The following IL1RAPL2 variants were observed in gnomAD, a reference collection of about 807,000 sequenced individuals.
IL1RAPL2 encodes the protein interleukin 1 receptor accessory protein like 2, also known as X-linked interleukin-1 receptor accessory protein-like 2.
A neutral mutation model predicts 44.1 loss-of-function variants in IL1RAPL2; 3 were observed. The ratio of observed to expected loss-of-function variants is 0.07; its 90% confidence interval spans 0.03 to 0.18. The LOEUF is 0.18. Ranked by LOEUF, IL1RAPL2 falls within the 10% of genes least tolerant of loss-of-function variation. IL1RAPL2 has a pLI of 1.00. For missense variants in IL1RAPL2, 391 were observed against 496.4 expected (o/e 0.79, Z 2.02); for synonymous variants, 181 against 178.8 (o/e 1.01, Z -0.10).
intron 6 of IL1RAPL2, among the ~76,000 whole-genome samples, chrX:105,648,515 C>T (rs1016351875): frequency 2.7e-5 from 3 of 111,532 alleles, no homozygotes; most frequent in Non-Finnish European, 1.9e-5. Flanking sequence ...CTTAACTACC[C>T]TCAACAACTT....
chrX:105,063,954 C>T lies in IL1RAPL2; in HGVS notation c.83-131521C>T, dbSNP rs149024055. Among the ~76,000 whole-genome samples the T allele has an allele frequency of 7.5e-4, 84 of 112,137 alleles. 3 individuals carry two copies. In the East Asian group the frequency reaches 0.018, roughly 24 times the overall value. Reference sequence around the variant, plus strand: ...GGTGGGGATGGGGTGATACAAGCATCCCTGTGGCCACCCACAGTGACTGCA... The same window carrying T: ...GGTGGGGATGGGGTGATACAAGCATTCCTGTGGCCACCCACAGTGACTGCA... On this transcript the variant is annotated intron_variant, in intron 2 of 10. Coordinates refer to ENST00000372582, the MANE Select transcript of IL1RAPL2 (RefSeq NM_017416.2).
chrX:104,606,263 TCAA>T (rs1929007854), intron 1 of IL1RAPL2, among the ~76,000 whole-genome samples: 1 of 111,551 alleles, frequency 9.0e-6, no homozygotes, highest in Non-Finnish European at 1.9e-5. Context: ...TCAACAAAAT[TCAA>T]CACCCCTTCA....
intron 6 of IL1RAPL2, among the ~76,000 whole-genome samples, chrX:105,560,480 G>A (rs962506963): frequency 2.4e-4 from 27 of 110,870 alleles, no homozygotes; most frequent in African/African-American, 7.5e-4. Context: ...GTGCAGTGGC[G>A]CAATCTTGGC....
At chrX:105,653,196 TC>T (rs1453931676) in intron 6 of IL1RAPL2, among the ~76,000 whole-genome samples, 1 of 111,692 alleles carries the variant, frequency 9.0e-6, no homozygotes, top group African/African-American at 3.2e-5. Flanking sequence ...AAATATATCC[TC>T]CTTTTTCAGT....
At chrX:104,676,833 T>A (rs1375631812) in intron 2 of IL1RAPL2, among the ~76,000 whole-genome samples, 1 of 111,852 alleles carries the variant, frequency 8.9e-6, no homozygotes, top group South Asian at 3.8e-4. Flanking sequence ...TTCTCTTCTC[T>A]CTTCATTTCA....
chrX:105,432,077 A>C (rs1254915993), intron 5 of IL1RAPL2, among the ~76,000 whole-genome samples: 1 of 106,839 alleles, frequency 9.4e-6, no homozygotes, highest in African/African-American at 3.4e-5. Context: ...TTCAGTACAC[A>C]GGACTAAGCT....
chrX:105,406,082 G>C, intron 5 of IL1RAPL2: 1 of 1,200,813 alleles, frequency 8.3e-7, no homozygotes, highest in East Asian at 3.0e-5. Flanking sequence ...CCAGGTTGTA[G>C]CATGCATCTT....
chrX:105,563,127 T>C (rs1254612789), intron 6 of IL1RAPL2, among the ~76,000 whole-genome samples: 1 of 111,870 alleles, frequency 8.9e-6, no homozygotes, highest in Non-Finnish European at 1.9e-5. Flanking sequence ...TTTTTAACAA[T>C]ACACATTTAT....
intron 1 of IL1RAPL2, among the ~76,000 whole-genome samples, chrX:104,586,142 T>A (rs1327902168): frequency 8.9e-6 from 1 of 111,984 alleles, no homozygotes; most frequent in Non-Finnish European, 1.9e-5. Context: ...CCATTCTGAC[T>A]AGCGTGAGAT....
At chrX:105,424,267 GATGAAA>G (rs2035793349) in intron 5 of IL1RAPL2, among the ~76,000 whole-genome samples, 1 of 111,843 alleles carries the variant, frequency 8.9e-6, no homozygotes, top group Non-Finnish European at 1.9e-5. Flanking sequence ...ACATATGTAA[GATGAAA>G]ATTGGTTCGG....
chrX:104,903,070 T>C (rs1164426226), intron 2 of IL1RAPL2, among the ~76,000 whole-genome samples: 2 of 111,640 alleles, frequency 1.8e-5, no homozygotes, highest in African/African-American at 6.5e-5. Flanking sequence ...TGTAGCTTTT[T>C]TGGCTGCAGA....
intron 5 of IL1RAPL2, among the ~76,000 whole-genome samples, chrX:105,379,320 A>C (rs1204853303): frequency 9.0e-6 from 1 of 111,479 alleles, no homozygotes; most frequent in Non-Finnish European, 1.9e-5. Context: ...TCCATCCTGG[A>C]TATTACTCAG....
intron 5 of IL1RAPL2, among the ~76,000 whole-genome samples, chrX:105,371,291 C>T (rs1199056094): frequency 8.9e-5 from 10 of 112,019 alleles, no homozygotes; most frequent in African/African-American, 3.2e-4. Context: ...ATGTCTTCAT[C>T]ATGAAATCTT....
chrX:105,334,051 A>G (rs1312681045), intron 5 of IL1RAPL2, among the ~76,000 whole-genome samples: 1 of 111,447 alleles, frequency 9.0e-6, no homozygotes, highest in Middle Eastern at 4.6e-3. Context: ...AAATCAGTAT[A>G]TCAAAGAGAT....
At chrX:105,710,927 GATATAC>G (rs1229821930) in intron 6 of IL1RAPL2, among the ~76,000 whole-genome samples, 1 of 104,965 alleles carries the variant, frequency 9.5e-6, no homozygotes, top group African/African-American at 3.5e-5. Context: ...AAATTACACT[GATATAC>G]ATATAAATAT....
At chrX:104,891,855 G>T (rs1923456104) in intron 2 of IL1RAPL2, among the ~76,000 whole-genome samples, 1 of 111,576 alleles carries the variant, frequency 9.0e-6, no homozygotes, top group African/African-American at 3.3e-5. Context: ...GTGAGAGAGG[G>T]CATCCCTGTC....
chrX:104,887,731 C>G (rs79664550), intron 2 of IL1RAPL2, among the ~76,000 whole-genome samples: 3 of 111,702 alleles, frequency 2.7e-5, no homozygotes, highest in African/African-American at 9.8e-5. Context: ...ATAGTCCAGA[C>G]TTATGCTGCC....
At chrX:104,810,626 A>G (rs745459154) in intron 2 of IL1RAPL2, among the ~76,000 whole-genome samples, 38 of 111,486 alleles carry the variant, frequency 3.4e-4, no homozygotes, top group African/African-American at 1.2e-3. Context: ...TGATATGCGT[A>G]ACAAAAAAAA....
chrX:104,793,921 G>A (rs972511039), intron 2 of IL1RAPL2, among the ~76,000 whole-genome samples: 1 of 111,027 alleles, frequency 9.0e-6, no homozygotes, highest in African/African-American at 3.3e-5. Flanking sequence ...CAACAACATG[G>A]GGATTTGTCT....
Sources: gnomAD v4.1 joint callset for allele counts (sites outside exome capture counted in the v4.1 genomes callset) on GRCh38, gnomAD v4.1.1 for gene constraint, MANE v1.5 for transcripts, NCBI Gene and HGNC (gene_info 2026-07-23, HGNC 2026-07-21) for gene names.